The following CSMD3 variants were observed in gnomAD, a reference collection of about 807,000 sequenced individuals.
The protein encoded by CSMD3 is CUB and Sushi multiple domains 3, also known as CUB and sushi domain-containing protein 3.
CSMD3 carries 177 observed loss-of-function variants against 435.2 expected under a neutral mutation model. That is an observed-to-expected ratio of 0.41 (90% CI 0.36 to 0.46). The LOEUF is 0.46. Among genes scored for constraint, CSMD3 ranks in the 20% least tolerant of loss-of-function variants. CSMD3 has a pLI of 0.34. For missense variants in CSMD3, 4,265 were observed against 4,504.6 expected, an observed-to-expected ratio of 0.95 and a Z score of 1.52; for synonymous variants, 1,656 against 1,520.5, an observed-to-expected ratio of 1.09 and a Z score of -2.07.
At chr8:112,556,280 A>C (rs1828109175) in intron 25 of CSMD3, among the ~76,000 whole-genome samples, 1 of 151,916 alleles carries the variant, frequency 6.6e-6, no homozygotes, top group Non-Finnish European at 1.5e-5. Flanking sequence ...TCACGAAAGC[A>C]ATATATCTTA....
chr8:112,790,713 A>G (rs2078666730), intron 13 of CSMD3, among the ~76,000 whole-genome samples: 1 of 152,240 alleles, frequency 6.6e-6, no homozygotes, highest in East Asian at 1.9e-4. Flanking sequence ...AACCACTTCA[A>G]CATTTAAAAA....
At chr8:112,492,358 T>G in intron 31 of CSMD3, 131 bp downstream of exon 31, 1 of 741,804 alleles carries the variant, frequency 1.3e-6, no homozygotes, top group South Asian at 1.6e-5. Context: ...TTTGATAAAA[T>G]CTCTGCATTG....
intron 7 of CSMD3, among the ~76,000 whole-genome samples, chr8:112,964,772 C>T (rs149892206): frequency 0.011 from 1,690 of 151,810 alleles, 16 homozygotes; most frequent in Non-Finnish European, 0.018. Context: ...TGAGAAAATA[C>T]AATTGGAAGA....
intron 13 of CSMD3, among the ~76,000 whole-genome samples, chr8:112,740,904 G>A (rs2077290756): frequency 4.0e-5 from 6 of 151,832 alleles, no homozygotes. Context: ...AGTATGGAGG[G>A]GAAAATCACA....
At chr8:113,294,178 ATC>A (rs1382322670) in intron 2 of CSMD3, among the ~76,000 whole-genome samples, 1 of 152,076 alleles carries the variant, frequency 6.6e-6, no homozygotes, top group Non-Finnish European at 1.5e-5. Context: ...ACATGAAACT[ATC>A]TTGAAAAGGA....
rs2131824434 is a variant in CSMD3, at chr8:112,689,947, A to G, written c.2076T>C (p.Phe692=). ...NRDVLRFECQ[F]GFELIGEKSI... ...ATTTCTCTCCAATTAATTCAAACCC[A>G]AACTGGCATTCAAACCTTAAAACAT... Residue 692 remains phenylalanine (F), a synonymous_variant, in exon 14 of 71, where the codon TTT becomes TTC. Transcript: ENST00000297405. The G allele has an allele frequency of 6.2e-7, 1 of 1,613,394 alleles. No homozygotes were observed. Among genetic ancestry groups the G allele is most frequent in the Non-Finnish European group, 8.5e-7 (1 of 1,179,484 alleles).
chr8:113,218,236 T>G (rs938393594), intron 3 of CSMD3, among the ~76,000 whole-genome samples: 1 of 150,704 alleles, frequency 6.6e-6, no homozygotes, highest in South Asian at 2.1e-4. Flanking sequence ...CCCTCAGGCC[T>G]AAGAAAAGTA....
intron 45 of CSMD3, among the ~76,000 whole-genome samples, chr8:112,329,895 A>G (rs1167336236): frequency 6.6e-6 from 1 of 151,940 alleles, no homozygotes; most frequent in Non-Finnish European, 1.5e-5. Flanking sequence ...TTTTAGCTCC[A>G]TTGTTTCATT....
chr8:112,275,238 G>A (rs945551880), intron 59 of CSMD3, among the ~76,000 whole-genome samples: 2 of 152,078 alleles, frequency 1.3e-5, no homozygotes, highest in African/African-American at 4.8e-5. Context: ...ACCTGAGACT[G>A]GATAATTTAT....
chr8:113,022,819 C>A (rs1289999568), intron 5 of CSMD3, among the ~76,000 whole-genome samples: 1 of 151,784 alleles, frequency 6.6e-6, no homozygotes. Flanking sequence ...AATTTCATTG[C>A]ATGTTTAATG....
chr8:112,466,792 C>T (rs1817999569), intron 32 of CSMD3, among the ~76,000 whole-genome samples: 1 of 151,888 alleles, frequency 6.6e-6, no homozygotes, highest in Non-Finnish European at 1.5e-5. Context: ...CTAAGTCTAT[C>T]AGCCCAAAAT....
intron 10 of CSMD3, among the ~76,000 whole-genome samples, chr8:112,871,646 C>T (rs772824080): frequency 4.0e-5 from 6 of 151,852 alleles, no homozygotes; most frequent in Non-Finnish European, 7.4e-5. Context: ...TTCACACACA[C>T]AGAAAAAAAA....
chr8:112,447,623 C>A (rs1815753800), intron 32 of CSMD3, among the ~76,000 whole-genome samples: 1 of 152,278 alleles, frequency 6.6e-6, no homozygotes, highest in South Asian at 2.1e-4. Flanking sequence ...ACCTAGCTAT[C>A]TGGAAATAGG....
chr8:113,436,536 A>G, intron 1 of CSMD3, 141 bp downstream of exon 1: 1 of 833,206 alleles, frequency 1.2e-6, no homozygotes, highest in Non-Finnish European at 2.1e-6. Flanking sequence ...TGAGGGGGGG[A>G]GAACGAGCTG....
At chr8:113,192,945 G>A (rs549487795) in intron 3 of CSMD3, among the ~76,000 whole-genome samples, 2 of 151,696 alleles carry the variant, frequency 1.3e-5, no homozygotes, top group South Asian at 4.1e-4. Context: ...GAGTACAAGT[G>A]TGGCATTTGA....
intron 24 of CSMD3, among the ~76,000 whole-genome samples, chr8:112,560,602 C>T (rs1828534706): frequency 6.6e-6 from 1 of 151,602 alleles, no homozygotes; most frequent in Non-Finnish European, 1.5e-5. Flanking sequence ...GGTGAACATG[C>T]AAACAGCATC....
intron 4 of CSMD3, among the ~76,000 whole-genome samples, chr8:113,157,542 T>C (rs1357182894): frequency 2.6e-5 from 4 of 152,138 alleles, no homozygotes; most frequent in East Asian, 1.9e-4. Context: ...ATAATTAACT[T>C]TGAAACAACA....
At chr8:112,617,893 T>G (rs1278355866) in intron 22 of CSMD3, among the ~76,000 whole-genome samples, 1 of 152,126 alleles carries the variant, frequency 6.6e-6, no homozygotes, top group Admixed American at 6.6e-5. Flanking sequence ...AAAGAAAACC[T>G]TAACATTTTC....
At chr8:112,364,799 T>G (rs1296178809) in intron 38 of CSMD3, among the ~76,000 whole-genome samples, 1 of 151,926 alleles carries the variant, frequency 6.6e-6, no homozygotes, top group Non-Finnish European at 1.5e-5. Context: ...TGATATAAAA[T>G]TACAAACAGG....
Sources: gnomAD v4.1 joint callset for allele counts (sites outside exome capture counted in the v4.1 genomes callset) on GRCh38, gnomAD v4.1.1 for gene constraint, MANE v1.5 for transcripts, NCBI Gene and HGNC (gene_info 2026-07-23, HGNC 2026-07-21) for gene names.